PCDH15: variants seen among roughly 807,000 people sequenced by gnomAD.
The protein encoded by PCDH15 is protocadherin related 15.
In PCDH15, 129 loss-of-function variants were observed where a neutral mutation model predicts 178.5. The observed-to-expected ratio is 0.72, with a 90% CI of 0.63 to 0.84. The LOEUF (loss-of-function observed/expected upper bound fraction) is 0.84, where lower values mean the gene tolerates loss of function less well. PCDH15 is among the 40% of genes least tolerant of loss of function. The pLI is 0.00. For synonymous variants in PCDH15, 800 were observed against 732.0 expected, an observed-to-expected ratio of 1.09 and a Z score of -1.50; for missense variants, 2,230 against 2,099.9, an observed-to-expected ratio of 1.06 and a Z score of -1.21.
At chr10:54,567,985 C>T (rs1336831186) in intron 2 of PCDH15, among the ~76,000 whole-genome samples, 1 of 152,128 alleles carries the variant, frequency 6.6e-6, no homozygotes, top group East Asian at 1.9e-4. Flanking sequence ...GTATACTTAT[C>T]TAACACATAA....
At chr10:54,095,194 C>T (rs1488364403) in intron 15 of PCDH15, among the ~76,000 whole-genome samples, 2 of 152,066 alleles carry the variant, frequency 1.3e-5, no homozygotes, top group East Asian at 1.9e-4. Context: ...TTGAGAGCAA[C>T]AAATAAAGCT....
intron 2 of PCDH15, among the ~76,000 whole-genome samples, chr10:54,655,371 G>C (rs1272711572): frequency 6.6e-6 from 1 of 151,024 alleles, no homozygotes; most frequent in Non-Finnish European, 1.5e-5. Context: ...CCAATACTGG[G>C]ATATTGTAAG....
At chr10:54,330,155 T>C (rs573297501) in intron 6 of PCDH15, among the ~76,000 whole-genome samples, 14 of 110,560 alleles carry the variant, frequency 1.3e-4, no homozygotes, top group Non-Finnish European at 2.6e-4. Context: ...TTAAGTATTA[T>C]CTGGCATTAA....
intron 3 of PCDH15, among the ~76,000 whole-genome samples, chr10:54,858,896 C>T (rs1953787702): frequency 6.6e-6 from 1 of 151,864 alleles, no homozygotes; most frequent in Admixed American, 6.6e-5. Context: ...TTTATATACA[C>T]TGAATAAGAA....
At chr10:55,582,628 A>ATATATTTTTT (rs780312007) in intron 2 of PCDH15, among the ~76,000 whole-genome samples, 49 of 69,024 alleles carry the variant, frequency 7.1e-4, no homozygotes, top group African/African-American at 3.1e-3. Flanking sequence ...ATATATATAT[A>ATATATTTTTT]TTTTTTTTTT....
At chr10:55,131,577 A>C (rs1006675888) in intron 2 of PCDH15, among the ~76,000 whole-genome samples, 1 of 152,140 alleles carries the variant, frequency 6.6e-6, no homozygotes, top group Non-Finnish European at 1.5e-5. Flanking sequence ...AGACAACTGG[A>C]GCATGAGCAA....
chr10:54,396,079 A>C (rs1951180730), intron 3 of PCDH15, among the ~76,000 whole-genome samples: 1 of 152,152 alleles, frequency 6.6e-6, no homozygotes, highest in South Asian at 2.1e-4. Flanking sequence ...TACATTTACA[A>C]AGACAAAAAA....
intron 1 of PCDH15, among the ~76,000 whole-genome samples, chr10:54,775,834 C>G (rs1006411021): frequency 6.6e-6 from 1 of 151,994 alleles, no homozygotes; most frequent in Admixed American, 6.6e-5. Context: ...TGCAGTGAGC[C>G]GAGATAGCGC....
intron 14 of PCDH15, among the ~76,000 whole-genome samples, chr10:54,133,830 A>G (rs867679095): frequency 2.0e-5 from 3 of 151,476 alleles, no homozygotes; most frequent in South Asian, 2.1e-4. Context: ...TTAGCCCTCT[A>G]TCGTGAAAAA....
intron 3 of PCDH15, among the ~76,000 whole-genome samples, chr10:54,839,629 G>A (rs1167016661): frequency 2.0e-5 from 3 of 151,988 alleles, no homozygotes; most frequent in Non-Finnish European, 2.9e-5. Context: ...CAAATTTTGG[G>A]AAAGATATAG....
At chr10:54,044,290 G>C (rs2093613228) in intron 18 of PCDH15, among the ~76,000 whole-genome samples, 1 of 152,132 alleles carries the variant, frequency 6.6e-6, no homozygotes, top group Non-Finnish European at 1.5e-5. Context: ...GGTGTAGGTA[G>C]TGAAAGTGCC....
At chr10:54,670,618 G>A (rs1283937416) in intron 1 of PCDH15, among the ~76,000 whole-genome samples, 2 of 152,002 alleles carry the variant, frequency 1.3e-5, no homozygotes, top group Admixed American at 1.3e-4. Flanking sequence ...CATGCCAAAT[G>A]TTATAATAAT....
chr10:53,867,745 G>A (rs546265192), intron 26 of PCDH15, among the ~76,000 whole-genome samples: 4 of 152,096 alleles, frequency 2.6e-5, no homozygotes, highest in East Asian at 1.9e-4. Context: ...ATAAAAGAAC[G>A]TAGTAAAATA....
rs750835578 is a variant in PCDH15 at position 53,866,866 on chromosome 10, AG to A, written c.3502-10del. ...GTATCTTTATCAGTAGCCTAGACGG[AG>A]GGGAAAAAAAAAGAGATTATAATTA... On this transcript the variant is annotated splice_polypyrimidine_tract_variant and intron_variant, in intron 26 of 37. Coordinates refer to ENST00000644397, the MANE Select transcript of PCDH15 (RefSeq NM_001384140.1). The A allele has an allele frequency of 7.8e-6, 12 of 1,548,388 alleles. No individual in the cohort carries two copies. In the Admixed American group the frequency reaches 1.2e-4, roughly 16 times the overall value.
At chr10:55,547,917 G>A (rs1564448198) in intron 2 of PCDH15, among the ~76,000 whole-genome samples, 8 of 131,544 alleles carry the variant, frequency 6.1e-5, no homozygotes, top group Admixed American at 4.3e-4. Flanking sequence ...GTGTGAGAGA[G>A]AGAGAGAGAG....
chr10:54,752,732 G>A (rs961431362), intron 1 of PCDH15, among the ~76,000 whole-genome samples: 6 of 151,772 alleles, frequency 4.0e-5, no homozygotes, highest in African/African-American at 1.5e-4. Flanking sequence ...CCAACTGACA[G>A]GACCTCACTT....
intron 8 of PCDH15, among the ~76,000 whole-genome samples, chr10:54,286,443 C>T (rs1055151111): frequency 6.6e-6 from 1 of 151,930 alleles, no homozygotes; most frequent in Non-Finnish European, 1.5e-5. Context: ...ATTCTACATA[C>T]TAAAACAAAG....
intron 2 of PCDH15, among the ~76,000 whole-genome samples, chr10:55,409,384 A>G (rs1426555939): frequency 4.6e-5 from 7 of 152,184 alleles, no homozygotes; most frequent in Admixed American, 3.3e-4. Flanking sequence ...GTTACTGTCC[A>G]ATCATGAAAT....
chr10:54,519,498 C>T (rs542162912), intron 3 of PCDH15, among the ~76,000 whole-genome samples: 9 of 152,266 alleles, frequency 5.9e-5, no homozygotes, highest in African/African-American at 2.2e-4. Flanking sequence ...AGAAATCTGA[C>T]TTACAAGGGA....
Sources: gnomAD v4.1 joint callset for allele counts (sites outside exome capture counted in the v4.1 genomes callset) on GRCh38, gnomAD v4.1.1 for gene constraint, MANE v1.5 for transcripts, NCBI Gene and HGNC (gene_info 2026-07-23, HGNC 2026-07-21) for gene names.